Variants in NUMA1 observed in about 807,000 individuals in gnomAD.
NUMA1 encodes the protein nuclear mitotic apparatus protein 1, also known as SP-H antigen.
Under a neutral mutation model 237.1 loss-of-function variants are expected in NUMA1, and 62 were observed. The ratio of observed to expected loss-of-function variants is 0.26; its 90% CI spans 0.21 to 0.32. The LOEUF (loss-of-function observed/expected upper bound fraction) is 0.32, where lower values mean the gene tolerates loss of function less well. NUMA1 is among the 10% of genes least tolerant of loss of function. The pLI is 1.00. For missense variants in NUMA1, 2,533 were observed against 2,666.5 expected (o/e 0.95, Z 1.10); for synonymous variants, 1,028 against 1,066.1 (o/e 0.96, Z 0.70).
intron 5 of NUMA1, among the ~76,000 whole-genome samples, chr11:72,023,544 AC>A (rs1422273534): frequency 6.6e-6 from 1 of 152,232 alleles, no homozygotes; most frequent in African/African-American, 2.4e-5. Context: ...AACTAGGGAT[AC>A]GTGACTCTTA....
rs1438157053 is a variant in NUMA1, at chr11:72,010,794, T to G, written c.4711A>C (p.Lys1571Gln). ...TCCCCCAGCTGCCCCACCTTCAGCTTCTGCTGCTGCACCTTGCTGGCTTGG... is the reference window on the plus strand; with the variant it reads ...TCCCCCAGCTGCCCCACCTTCAGCTGCTGCTGCTGCACCTTGCTGGCTTGG... ...SDQASKVQQQ[K>Q]LKAVQAQGGE... The change falls in exon 17 of 27, where the codon AAG (lysine) becomes CAG (glutamine). Residue 1571 changes from lysine to glutamine, a missense_variant. Transcript: ENST00000393695. The G allele has an allele frequency of 2.5e-6, 4 of 1,613,426 alleles. No homozygotes were observed. The African/African-American group carries it at 4.0e-5, about 16-fold the overall frequency.
At chr11:72,063,070 T>A (rs968066963) in intron 2 of NUMA1, among the ~76,000 whole-genome samples, 1 of 151,590 alleles carries the variant, frequency 6.6e-6, no homozygotes, top group Non-Finnish European at 1.5e-5. Flanking sequence ...AAACTCCATC[T>A]CAAAAACAAA....
At chr11:72,048,365 T>A (rs974691571) in intron 2 of NUMA1, among the ~76,000 whole-genome samples, 2 of 70,590 alleles carry the variant, frequency 2.8e-5, no homozygotes, top group Non-Finnish European at 6.3e-5. Flanking sequence ...CTTTTCCTCA[T>A]GAAAATCAAC....
At chr11:72,009,411 A>G (rs1955989695) in intron 17 of NUMA1, 24 bp from the exon 18 acceptor site, 2 of 1,585,556 alleles carry the variant, frequency 1.3e-6, no homozygotes, top group South Asian at 1.1e-5. Context: ...CCACTCAGGA[A>G]AGCTGGTCTG....
Position 72,009,133 on chromosome 11 carries a change from A to C in NUMA1, c.4892T>G (p.Leu1631Arg). 1 of 1,488,450 alleles carries C rather than the reference A, an allele frequency of 6.7e-7. No homozygotes were observed. Among genetic ancestry groups the C allele is most frequent in the South Asian group, 1.1e-5 (1 of 89,386 alleles). 92.2% of individuals were successfully genotyped at this position (1,488,450 alleles called of 1,614,324 possible). Residue 1631 changes from leucine (L) to arginine (R), a missense_variant, in exon 19 of 27, where the codon CTG becomes CGG. By Grantham distance (102) the Leu-to-Arg change is moderately radical (BLOSUM62 -2). This residue lies in a region of NUMA1 where 795 missense variants were observed against 750.8 expected (regional missense o/e 1.06). Transcript: ENST00000393695. ...YDAKKQQNQE[L>R]QEQLRSLEQL... ...CTCCAGGCTCCGCAGCTGCTCCTGCAGCTCTTGGTTCTGCTGCTTCTTGGC... is the reference window on the plus strand; with the variant it reads ...CTCCAGGCTCCGCAGCTGCTCCTGCCGCTCTTGGTTCTGCTGCTTCTTGGC...
chr11:72,046,594 GGA>G (rs138787982), intron 2 of NUMA1, among the ~76,000 whole-genome samples: 19 of 149,456 alleles, frequency 1.3e-4, no homozygotes, highest in Admixed American at 4.0e-4. Context: ...GCGGGGAGAG[GGA>G]GAGAGAGAGA....
chr11:72,040,884 C>A (rs368704054), intron 2 of NUMA1: 1 of 151,982 alleles, frequency 6.6e-6, no homozygotes, highest in African/African-American at 2.4e-5. Context: ...ATCCACCCCA[C>A]CCCCTCGTCC....
intron 1 of NUMA1, among the ~76,000 whole-genome samples, chr11:72,077,047 A>G (rs1458237859): frequency 2.0e-5 from 3 of 152,232 alleles, no homozygotes; most frequent in Non-Finnish European, 4.4e-5. Context: ...CTAGCTGAAG[A>G]GTAAACTAGT....
chr11:72,075,257 A>T (rs1943657436), intron 1 of NUMA1, among the ~76,000 whole-genome samples: 1 of 152,004 alleles, frequency 6.6e-6, no homozygotes, highest in South Asian at 2.1e-4. Flanking sequence ...GACTCCACTA[A>T]ACCCCATTTC....
rs780788907 is a variant in NUMA1, at chr11:72,021,255, G to C, written c.409C>G (p.His137Asp). The part of the protein sequence containing the change: ...LAVILKFVLD[H>D]EDGLNLNEDL... ...TCATTAAGGTTTAGCCCGTCCTCAT[G>C]GTCCAGCACAAATTTAAGAATGACA... Residue 137 changes from histidine (H) to aspartate (D), a missense_variant, in exon 8 of 27, where the codon CAT becomes GAT. His to Asp is a moderately conservative substitution (Grantham distance 81). Transcript: ENST00000393695. 3.7e-6 allele frequency: 6 copies of C among 1,614,212 alleles called. No homozygotes were observed. The East Asian group carries it at 1.1e-4, about 30-fold the overall frequency.
chr11:72,047,030 T>A (rs1431420715), intron 2 of NUMA1, among the ~76,000 whole-genome samples: 10 of 151,744 alleles, frequency 6.6e-5, no homozygotes, highest in Admixed American at 6.6e-4. Flanking sequence ...CAGATAGAGG[T>A]TGAAGCGGGG....
intron 1 of NUMA1, among the ~76,000 whole-genome samples, chr11:72,072,043 T>G (rs151096823): frequency 1.3e-4 from 20 of 152,260 alleles, no homozygotes; most frequent in African/African-American, 3.8e-4. Flanking sequence ...CTGCAGCTCA[T>G]GAGGGGTATA....
chr11:72,036,036 A>G (rs1940985929), intron 2 of NUMA1, 61 bp from the exon 3 acceptor site: 1 of 1,339,418 alleles, frequency 7.5e-7, no homozygotes, highest in Admixed American at 1.7e-5. Flanking sequence ...ATCAAGAAAT[A>G]AAGGCGAAAT....
In NUMA1 at chr11:72,013,870, G is replaced by C. The variant is rs1450453676; in HGVS notation, c.3633C>G (p.Ala1211=). The C allele has an allele frequency of 1.7e-5, 27 of 1,613,526 alleles. No individual in the cohort carries two copies. The highest frequency in any genetic ancestry group is 2.1e-5 in the Non-Finnish European group (25 of 1,180,022). Residue 1211 remains alanine, a synonymous_variant, in exon 15 of 27, where the codon GCC becomes GCG. Transcript: ENST00000393695. This position sits in a 1 kb window ranked among gnomAD's most constrained non-coding sequence, Gnocchi z 6.8. Reference sequence around the variant, plus strand: ...CCTCTTGCCGGCCCCGGGCCACCTGGGCCTTCCACTCATCTTCAGCCTTGC... The same window carrying C: ...CCTCTTGCCGGCCCCGGGCCACCTGCGCCTTCCACTCATCTTCAGCCTTGC... The part of the protein sequence containing the change: ...DHSKAEDEWK[A]QVARGRQEAE...
At chr11:72,046,091 C>A (rs1941979088) in intron 2 of NUMA1, among the ~76,000 whole-genome samples, 4 of 152,198 alleles carry the variant, frequency 2.6e-5, no homozygotes. Context: ...GGAGCCTGGC[C>A]AGTTTCGCCA....
At chr11:72,016,696 G>T in intron 13 of NUMA1, 166 bp from the exon 14 acceptor site, 1 of 765,522 alleles carries the variant, frequency 1.3e-6, no homozygotes, top group Non-Finnish European at 2.1e-6. Context: ...GGAGCATGAG[G>T]GACCTGATTC....
In NUMA1 at chr11:72,014,773, A is replaced by C. The variant is rs1306018947; in HGVS notation, c.2730T>G (p.Ala910=). ...DDLSTLQEKM[A]ATSKEVARLE... ...AGCGGGCCACCTCTTTGCTGGTGGCAGCCATCTTTTCCTGCAGAGTGGAGA... is the reference window on the plus strand; with the variant it reads ...AGCGGGCCACCTCTTTGCTGGTGGCCGCCATCTTTTCCTGCAGAGTGGAGA... The change falls in exon 15 of 27, where the codon GCT becomes GCG. Residue 910 remains alanine, a synonymous_variant. Transcript: ENST00000393695. The surrounding 1 kb of genome is among the most constrained non-coding windows in gnomAD (Gnocchi z 4.6). 2.5e-6 allele frequency: 4 copies of C among 1,614,048 alleles called. No individual in the cohort carries two copies. The highest frequency in any genetic ancestry group is 3.4e-6 in the Non-Finnish European group (4 of 1,180,044).
rs779199076 is a variant in NUMA1, at chr11:72,016,357, A to T, written c.1242+51T>A. ...AACACCAGGAACCCAAATGTACTGAATGTGAGTCCACACCAACCAGCAGCA... is the reference window on the plus strand; with the variant it reads ...AACACCAGGAACCCAAATGTACTGATTGTGAGTCCACACCAACCAGCAGCA... On this transcript the variant is annotated intron_variant, in intron 14 of 26. Transcript: ENST00000393695. 4 of 1,605,218 alleles carry T rather than the reference A, an allele frequency of 2.5e-6. No individual in the cohort carries two copies. The Admixed American group carries it at 6.7e-5, about 27-fold the overall frequency.
chr11:72,066,085 TA>T (rs1318462795), intron 2 of NUMA1: 1 of 151,242 alleles, frequency 6.6e-6, no homozygotes, highest in Non-Finnish European at 1.5e-5. Context: ...GTGGGCGGAT[TA>T]CCTGAGGTCA....
Sources: gnomAD v4.1 joint callset for allele counts (sites outside exome capture counted in the v4.1 genomes callset) on GRCh38, gnomAD v4.1.1 for gene constraint, gnomAD v4.1.1 regional missense constraint, Gnocchi (gnomAD v3.1) non-coding constraint, MANE v1.5 for transcripts, NCBI Gene and HGNC (gene_info 2026-07-23, HGNC 2026-07-21) for gene names.